SLC12A3: variants seen among roughly 807,000 people sequenced by gnomAD.
SLC12A3 encodes Na-Cl cotransporter.
In SLC12A3, 104 loss-of-function variants were observed where a neutral mutation model predicts 121.0. That is an observed-to-expected ratio of 0.86 (90% confidence interval 0.73 to 1.01). SLC12A3 has a LOEUF of 1.01. Among genes scored for constraint, SLC12A3 ranks in the 50% least tolerant of loss-of-function variants. SLC12A3 has a pLI of 0.00. For synonymous variants in SLC12A3, 536 were observed against 533.4 expected (o/e 1.00, Z -0.07); for missense variants, 1,328 against 1,356.3 (o/e 0.98, Z 0.33).
At position 56,872,660 on chromosome 16, in the gene SLC12A3, C is replaced by A. The variant is rs1185802955; in HGVS notation, c.969C>A (p.Asp323Glu). ...ASKGFFSYRA[D>E]IFVQNLVPDW... ...CATCAGGCCTTGCTTTTCCAGCGGACATTTTTGTCCAGAACTTGGTGCCTG... is the reference window on the plus strand; with the variant it reads ...CATCAGGCCTTGCTTTTCCAGCGGAAATTTTTGTCCAGAACTTGGTGCCTG... The change falls in exon 8 of 26, where the codon GAC becomes GAA. Residue 323 changes from aspartate (D) to glutamate (E), a missense_variant. Physicochemically the swap from Asp to Glu is conservative, Grantham distance 45. Transcript: ENST00000563236. The A allele has an allele frequency of 1.2e-6, 2 of 1,614,262 alleles. No individual in the cohort carries two copies. Among genetic ancestry groups the A allele is most frequent in the East Asian group, 2.2e-5 (1 of 44,882 alleles).
chr16:56,896,795 A>G (rs2055468022), intron 22 of SLC12A3, among the ~76,000 whole-genome samples: 2 of 152,132 alleles, frequency 1.3e-5, no homozygotes, highest in Admixed American at 1.3e-4. Context: ...TCCCTTTGAA[A>G]TGTATCTAAG....
At chr16:56,868,030 C>G (rs1366260617) in intron 2 of SLC12A3, among the ~76,000 whole-genome samples, 2 of 152,162 alleles carry the variant, frequency 1.3e-5, no homozygotes, top group Non-Finnish European at 2.9e-5. Context: ...GGGATGGATA[C>G]AGTGAGGGCT....
chr16:56,874,030 C>T (rs754077986), intron 8 of SLC12A3, among the ~76,000 whole-genome samples: 6 of 152,118 alleles, frequency 3.9e-5, no homozygotes, highest in Non-Finnish European at 8.8e-5. Context: ...TTTCAAATAC[C>T]GCCTTCAACT....
chr16:56,866,904 G>C (rs916481800), intron 1 of SLC12A3, among the ~76,000 whole-genome samples, 166 bp from the exon 2 acceptor site: 1 of 152,224 alleles, frequency 6.6e-6, no homozygotes, highest in Non-Finnish European at 1.5e-5. Flanking sequence ...CACTGCTCCT[G>C]GCCTAGGGAG....
At chr16:56,899,688 C>T (rs2055512553) in intron 23 of SLC12A3, 72 bp downstream of exon 23, 1 of 1,087,240 alleles carries the variant, frequency 9.2e-7, no homozygotes, top group Non-Finnish European at 1.4e-6. Context: ...CCGGCTGCCC[C>T]CTTTTTCCTT....
chr16:56,893,150 C>T (rs1377460567), intron 21 of SLC12A3, 96 bp downstream of exon 21: 4 of 1,026,982 alleles, frequency 3.9e-6, no homozygotes, highest in East Asian at 2.6e-5. Context: ...TCAAAGGGGA[C>T]AGGGGCTCCT....
chr16:56,871,965 C>T (rs1444792513), intron 6 of SLC12A3, among the ~76,000 whole-genome samples: 2 of 151,838 alleles, frequency 1.3e-5, no homozygotes, highest in African/African-American at 2.4e-5. Context: ...TCAGGTGATC[C>T]GCCCACCTCG....
At chr16:56,877,928 G>C in intron 8 of SLC12A3, 149 bp from the exon 9 acceptor site, 1 of 609,086 alleles carries the variant, frequency 1.6e-6, no homozygotes, top group Non-Finnish European at 2.9e-6. Flanking sequence ...GGGGCTCTGA[G>C]GGGCCAAGGT....
chr16:56,879,995 A>T (rs1355733482), intron 11 of SLC12A3, 135 bp from the exon 12 acceptor site: 11 of 1,071,730 alleles, frequency 1.0e-5, no homozygotes, highest in East Asian at 5.1e-5. Context: ...ATCCCTGTTT[A>T]ATAGAAACAG....
chr16:56,897,621 A>C lies in SLC12A3; in HGVS notation c.2634-1909A>C, dbSNP rs370783767. On this transcript the variant is annotated intron_variant, in intron 22 of 25. Coordinates refer to ENST00000563236, the MANE Select transcript of SLC12A3 (RefSeq NM_001126108.2). The stretch of plus-strand genomic sequence containing the variant: ...CTTCTCTGTGATCTCCAAAAAGTAA[A>C]TAAGATACGAGATTGCTCTGCAGTC... Among the ~76,000 whole-genome samples the C allele has an allele frequency of 1.1e-4, 16 of 152,330 alleles. No homozygotes were observed. The South Asian group carries it at 3.3e-3, about 32-fold the overall frequency.
rs761106550 is a variant in SLC12A3 at position 56,870,092 on chromosome 16, A to T, written c.602-4A>T. 76 of 1,612,608 alleles carry T rather than the reference A, an allele frequency of 4.7e-5. No individual in the cohort carries two copies. The highest frequency in any genetic ancestry group is 5.8e-5 in the Non-Finnish European group (69 of 1,180,024). Reference sequence around the variant, plus strand: ...TTTCATGGTTCCCGGCTCTGCCCTGATAGGTGGCACCTACTTCCTCATCTC... The same window carrying T: ...TTTCATGGTTCCCGGCTCTGCCCTGTTAGGTGGCACCTACTTCCTCATCTC... On this transcript the variant is annotated splice_polypyrimidine_tract_variant and splice_region_variant and intron_variant, in intron 4 of 25. Coordinates refer to ENST00000563236, the MANE Select transcript of SLC12A3 (RefSeq NM_001126108.2).
intron 5 of SLC12A3, 38 bp downstream of exon 5, chr16:56,870,273 G>C (rs186544731): frequency 5.6e-6 from 9 of 1,602,168 alleles, no homozygotes; most frequent in African/African-American, 5.3e-5. Context: ...AGAGGGATCC[G>C]GGCAGCCCAT....
At chr16:56,910,176 G>T (rs1168723633) in intron 25 of SLC12A3, among the ~76,000 whole-genome samples, 7 of 152,138 alleles carry the variant, frequency 4.6e-5, no homozygotes, top group Non-Finnish European at 7.3e-5. Flanking sequence ...TTATGAATTT[G>T]CAAAGCCCTA....
Position 56,870,650 on chromosome 16 carries a change from C to T in SLC12A3, c.766C>T (p.Pro256Ser), listed in dbSNP as rs781248241. The change falls in exon 6 of 26, where the codon CCC (proline) becomes TCC (serine). Residue 256 changes from proline (P) to serine (S), a missense_variant. Pro to Ser is a moderately conservative substitution (Grantham distance 74). Transcript: ENST00000563236. ...GGAGTATGGGGCACCCATCGTGGAC[C>T]CCATTAACGACATCCGCATCATTGC... is the stretch of plus-strand genomic sequence containing the variant. ...LQEYGAPIVD[P>S]INDIRIIAVV... is the part of the protein sequence containing the mutation. 2.9e-5 allele frequency: 47 copies of T among 1,612,850 alleles called. No individual in the cohort carries two copies. Among genetic ancestry groups the T allele is most frequent in the Non-Finnish European group, 3.8e-5 (45 of 1,178,972 alleles).
intron 22 of SLC12A3, among the ~76,000 whole-genome samples, chr16:56,899,072 C>G (rs184834999): frequency 1.2e-4 from 18 of 152,370 alleles, no homozygotes; most frequent in Non-Finnish European, 2.4e-4. Context: ...TTCCGTTTCA[C>G]TTGTCATCAT....
intron 19 of SLC12A3, 118 bp downstream of exon 19, chr16:56,890,474 T>C: frequency 1.2e-6 from 1 of 808,626 alleles, no homozygotes; most frequent in African/African-American, 1.7e-5. Flanking sequence ...AGTCGCCTCT[T>C]AATGGTCCCT....
intron 25 of SLC12A3, among the ~76,000 whole-genome samples, chr16:56,911,990 A>G (rs1168530865): frequency 6.6e-6 from 1 of 152,238 alleles, no homozygotes; most frequent in Non-Finnish European, 1.5e-5. Flanking sequence ...AAACTCTGCA[A>G]AGGTCATCTG....
In SLC12A3 at chr16:56,894,537, C is replaced by T. The variant is rs1201343793; in HGVS notation, c.2528C>T (p.Thr843Ile). The change falls in exon 22 of 26, where the codon ACC (threonine) becomes ATC (isoleucine). Residue 843 changes from threonine (T) to isoleucine (I), a missense_variant. Coordinates refer to ENST00000563236, the MANE Select transcript of SLC12A3 (RefSeq NM_001126108.2). ...IYWLFDDGGL[T>I]LLIPYLLGRK... ...CGGGGACTCTCCTTGCCAGGCCTCA[C>T]CCTCCTCATTCCCTATCTCCTTGGC... The T allele has an allele frequency of 6.2e-7, 1 of 1,612,768 alleles. No individual in the cohort carries two copies. The highest frequency in any genetic ancestry group is 8.5e-7 in the Non-Finnish European group (1 of 1,179,142).
intron 18 of SLC12A3, 115 bp downstream of exon 18, chr16:56,888,146 G>T: frequency 1.4e-6 from 1 of 722,670 alleles, no homozygotes; most frequent in Non-Finnish European, 2.4e-6. Context: ...GGGCAAAGTG[G>T]CTGGCATCTG....
Sources: gnomAD v4.1 joint callset for allele counts (sites outside exome capture counted in the v4.1 genomes callset) on GRCh38, gnomAD v4.1.1 for gene constraint, MANE v1.5 for transcripts, NCBI Gene and HGNC (gene_info 2026-07-23, HGNC 2026-07-21) for gene names.